DPY19L4: variants seen among roughly 807,000 people sequenced by gnomAD.
The protein encoded by DPY19L4 is dpy-19 like 4.
In DPY19L4, 97 loss-of-function variants were observed where a neutral mutation model predicts 102.8. That is an observed-to-expected ratio of 0.94 (90% confidence interval 0.80 to 1.12). The LOEUF is 1.12. Ranked by LOEUF, DPY19L4 falls within the 50% of genes most tolerant of loss-of-function variation. The pLI, the probability that DPY19L4 is intolerant of heterozygous loss-of-function variation, is 0.00. For missense variants in DPY19L4, 815 were observed against 850.4 expected (o/e 0.96, Z 0.52); for synonymous variants, 252 against 283.1 (o/e 0.89, Z 1.10).
intron 6 of DPY19L4, among the ~76,000 whole-genome samples, chr8:94,753,213 G>A (rs1411262747): frequency 6.6e-6 from 1 of 151,998 alleles, no homozygotes; most frequent in Non-Finnish European, 1.5e-5. Context: ...AACATATACT[G>A]CTTTTATAAT....
Position 94,792,043 on chromosome 8 carries a change from A to C in DPY19L4, c.*2133A>C, listed in dbSNP as rs1012629109. On this transcript the variant is annotated 3_prime_UTR_variant, in exon 19 of 19. Transcript: ENST00000414645. ...CACTTATTTGTAGAGTGAACAAATG[A>C]TTCACAATTCTACAAGTAATTCCAC... 2.0e-5 allele frequency: 3 copies of C among 152,186 alleles called. No homozygotes were observed. The highest frequency in any genetic ancestry group is 7.2e-5 in the African/African-American group (3 of 41,446). The allele number at this position is 152,186 out of a possible 1,614,324, so 9.4% of individuals were successfully genotyped here.
At chr8:94,769,308 C>T (rs1276830964) in intron 12 of DPY19L4, among the ~76,000 whole-genome samples, 1 of 152,036 alleles carries the variant, frequency 6.6e-6, no homozygotes, top group East Asian at 1.9e-4. Context: ...GTGATCCACC[C>T]GTCTTGGCCT....
chr8:94,789,268 T>A (rs1054188213), intron 18 of DPY19L4, among the ~76,000 whole-genome samples: 10 of 152,214 alleles, frequency 6.6e-5, no homozygotes, highest in Non-Finnish European at 1.2e-4. Context: ...TAATTTTTTT[T>A]ATAAAAACTT....
intron 17 of DPY19L4, 62 bp downstream of exon 17, chr8:94,783,864 C>T (rs1813540259): frequency 6.4e-7 from 1 of 1,574,610 alleles, no homozygotes; most frequent in African/African-American, 1.3e-5. Flanking sequence ...TTAGCATAGT[C>T]TGCAGTATAC....
intron 6 of DPY19L4, among the ~76,000 whole-genome samples, chr8:94,753,899 C>G (rs35866149): frequency 0.14 from 21,154 of 151,836 alleles, 1,590 homozygotes; most frequent in Non-Finnish European, 0.17. Flanking sequence ...GTACATTGTG[C>G]TACCGGGCGT....
chr8:94,786,306 G>A (rs890632682), intron 17 of DPY19L4, among the ~76,000 whole-genome samples: 1 of 151,828 alleles, frequency 6.6e-6, no homozygotes, highest in Admixed American at 6.6e-5. Flanking sequence ...TTTTATGTTA[G>A]TAGAGACAGG....
chr8:94,746,458 G>A (rs1811678285), intron 6 of DPY19L4, among the ~76,000 whole-genome samples: 1 of 152,212 alleles, frequency 6.6e-6, no homozygotes, highest in Non-Finnish European at 1.5e-5. Flanking sequence ...GGTTAGGTAA[G>A]TTGTAATACA....
intron 16 of DPY19L4, among the ~76,000 whole-genome samples, chr8:94,783,056 C>T (rs1338831314): frequency 1.3e-5 from 2 of 150,354 alleles, no homozygotes; most frequent in Admixed American, 1.3e-4. Context: ...GAGGTGGGTG[C>T]TTAATGTTAA....
At chr8:94,728,884 G>C (rs145013050) in intron 2 of DPY19L4, among the ~76,000 whole-genome samples, 384 of 152,268 alleles carry the variant, frequency 2.5e-3, no homozygotes, top group Non-Finnish European at 3.6e-3. Flanking sequence ...TAATGTTGAA[G>C]TGAGAACAGT....
Position 94,734,703 on chromosome 8 carries a change from T to C in DPY19L4, c.201T>C (p.Ala67=). The change falls in exon 3 of 19, where the codon GCT becomes GCC. Residue 67 remains alanine, a synonymous_variant. Transcript: ENST00000414645. ...LAAVTSGMMY[A]LYLSAYHERK... ...CGGTTACTAGTGGTATGATGTATGC[T>C]CTCTACTTATCAGCATACCATGAAC... 6.2e-7 allele frequency: 1 copy of C among 1,614,116 alleles called. No individual in the cohort carries two copies. Among genetic ancestry groups the C allele is most frequent in the Non-Finnish European group, 8.5e-7 (1 of 1,180,004 alleles).
At chr8:94,765,392 T>C in intron 9 of DPY19L4, 78 bp downstream of exon 9, 1 of 1,399,038 alleles carries the variant, frequency 7.1e-7, no homozygotes, top group Non-Finnish European at 9.8e-7. Flanking sequence ...TTGCCCAGGC[T>C]GGAGTACATC....
Position 94,762,362 on chromosome 8 carries a change from A to G in DPY19L4, c.870+528A>G, listed in dbSNP as rs564227776. Among the ~76,000 whole-genome samples the G allele has an allele frequency of 7.6e-4, 115 of 152,274 alleles. 1 individual carries two copies. The highest frequency in any genetic ancestry group is 1.4e-3 in the Non-Finnish European group (95 of 68,020). On this transcript the variant is annotated intron_variant, in intron 8 of 18. Transcript: ENST00000414645. Reference sequence around the variant, plus strand: ...AATTGCTCTGTTGGGGTGAAGAAGCATCCTTGAGGTGAGATCACAGGACCC... The same window carrying G: ...AATTGCTCTGTTGGGGTGAAGAAGCGTCCTTGAGGTGAGATCACAGGACCC...
chr8:94,722,887 T>TA (rs1477648019), intron 1 of DPY19L4, among the ~76,000 whole-genome samples: 1 of 152,182 alleles, frequency 6.6e-6, no homozygotes, highest in African/African-American at 2.4e-5. Flanking sequence ...ATCTGGTCTT[T>TA]AAAAAAATGT....
At chr8:94,749,958 TTTTG>T (rs1397703049) in intron 6 of DPY19L4, among the ~76,000 whole-genome samples, 9 of 152,202 alleles carry the variant, frequency 5.9e-5, no homozygotes, top group Non-Finnish European at 8.8e-5. Context: ...GGTTCATGTT[TTTTG>T]TTTGTTTGTT....
At chr8:94,783,931 C>A in intron 17 of DPY19L4, 129 bp downstream of exon 17, 2 of 1,072,766 alleles carry the variant, frequency 1.9e-6, no homozygotes, top group South Asian at 3.9e-5. Flanking sequence ...TAATTAACTT[C>A]CATTTTAAAA....
intron 12 of DPY19L4, 107 bp from the exon 13 acceptor site, chr8:94,770,345 C>T (rs577974570): frequency 4.1e-5 from 50 of 1,215,762 alleles, no homozygotes; most frequent in East Asian, 2.7e-4. Context: ...TTTGTTATGA[C>T]GAAATATAAA....
At chr8:94,742,715 T>A (rs956330370) in intron 6 of DPY19L4, among the ~76,000 whole-genome samples, 11 of 151,346 alleles carry the variant, frequency 7.3e-5, no homozygotes, top group African/African-American at 2.7e-4. Context: ...CATGCCACAA[T>A]GCCCAGCTAA....
rs2130957427 is a variant in DPY19L4, at chr8:94,790,882, C to T, written c.*972C>T. The T allele has an allele frequency of 6.6e-6, 1 of 152,100 alleles. No individual in the cohort carries two copies. The highest frequency in any genetic ancestry group is 3.4e-3 in the Middle Eastern group (1 of 294). The allele number at this position is 152,100 out of a possible 1,614,324, so 9.4% of individuals were successfully genotyped here. On this transcript the variant is annotated 3_prime_UTR_variant, in exon 19 of 19. Transcript: ENST00000414645. ...ATACAGATATATTATAAAACACAAG[C>T]AATGTTATTTATGAAACTGTGATGC...
chr8:94,783,952 A>AT (rs1304267805), intron 17 of DPY19L4, 150 bp downstream of exon 17: 1 of 864,840 alleles, frequency 1.2e-6, no homozygotes, highest in African/African-American at 1.7e-5. Flanking sequence ...AACCTTTTTA[A>AT]TTAATAATAC....
Sources: gnomAD v4.1 joint callset for allele counts (sites outside exome capture counted in the v4.1 genomes callset) on GRCh38, gnomAD v4.1.1 for gene constraint, MANE v1.5 for transcripts, NCBI Gene and HGNC (gene_info 2026-07-23, HGNC 2026-07-21) for gene names.